Variants in CNIH3 observed in about 807,000 individuals in gnomAD.
The protein encoded by CNIH3 is cornichon family AMPA receptor auxiliary protein 3, also known as protein cornichon homolog 3.
Under a neutral mutation model 24.1 loss-of-function variants are expected in CNIH3, and 14 were observed. That is an observed-to-expected ratio of 0.58 (90% CI 0.38 to 0.91). The LOEUF is 0.91. Among genes scored for constraint, CNIH3 ranks in the 40% least tolerant of loss-of-function variants. CNIH3 has a pLI of 0.00. For synonymous variants in CNIH3, 68 were observed against 73.8 expected (o/e 0.92, Z 0.40); for missense variants, 178 against 196.8 (o/e 0.90, Z 0.57).
intron 4 of CNIH3, among the ~76,000 whole-genome samples, chr1:224,571,014 G>T (rs1455337753): frequency 6.6e-6 from 1 of 151,840 alleles, no homozygotes; most frequent in East Asian, 1.9e-4. Flanking sequence ...ATATGGGTCT[G>T]TTTCTGGAAC....
At position 224,684,495 on chromosome 1, in the gene CNIH3, G is replaced by A. The variant is rs1686558062; in HGVS notation, c.151-301G>A. Reference sequence around the variant, plus strand: ...TTTGACCACCTTATACGTACATGGAGGCTGAGAGAGACTTTGTAGATAAAG... The same window carrying A: ...TTTGACCACCTTATACGTACATGGAAGCTGAGAGAGACTTTGTAGATAAAG... On this transcript the variant is annotated intron_variant, in intron 2 of 5. Coordinates refer to ENST00000272133, the MANE Select transcript of CNIH3 (RefSeq NM_152495.2). The surrounding 1 kb of genome is among the most constrained non-coding windows in gnomAD (Gnocchi z 4.2). 6.6e-6 allele frequency among the ~76,000 whole-genome samples: 1 copy of A among 152,206 alleles called. No individual in the cohort carries two copies. The highest frequency in any genetic ancestry group is 1.5e-5 in the Non-Finnish European group (1 of 68,036).
intron 1 of CNIH3, among the ~76,000 whole-genome samples, chr1:224,518,860 A>T (rs1034075559): frequency 6.6e-6 from 1 of 152,234 alleles, no homozygotes; most frequent in Non-Finnish European, 1.5e-5. Context: ...CTTTTGCTTC[A>T]TATGGAGGAA....
At chr1:224,534,412 T>C (rs1226974996) in intron 2 of CNIH3, among the ~76,000 whole-genome samples, 1 of 151,976 alleles carries the variant, frequency 6.6e-6, no homozygotes, top group Non-Finnish European at 1.5e-5. Context: ...CTTTATAGGG[T>C]GAGGAAATGG....
intron 2 of CNIH3, among the ~76,000 whole-genome samples, chr1:224,533,945 G>A (rs919768570): frequency 1.3e-5 from 2 of 152,176 alleles, no homozygotes; most frequent in South Asian, 2.1e-4. Context: ...CAGGTGGATC[G>A]CTTGAGCCCA....
chr1:224,480,201 G>C (rs1159409476), intron 1 of CNIH3, among the ~76,000 whole-genome samples: 1 of 152,204 alleles, frequency 6.6e-6, no homozygotes, highest in Non-Finnish European at 1.5e-5. Flanking sequence ...AACAGCCTGA[G>C]CTGTACCTTA....
chr1:224,661,559 GA>G, intron 1 of CNIH3: 1 of 372,836 alleles, frequency 2.7e-6, no homozygotes. Flanking sequence ...TAGGTAAATG[GA>G]AATGGGTCTC....
At chr1:224,567,527 A>G (rs1680629767) in intron 4 of CNIH3, among the ~76,000 whole-genome samples, 1 of 152,216 alleles carries the variant, frequency 6.6e-6, no homozygotes, top group Non-Finnish European at 1.5e-5. Flanking sequence ...CTTTACTCCT[A>G]GTCTGCCTTT....
downstream of CNIH3, among the ~76,000 whole-genome samples, chr1:224,592,859 C>A (rs561821446): frequency 2.6e-4 from 40 of 152,286 alleles, no homozygotes; most frequent in Admixed American, 3.9e-4. Flanking sequence ...ATAGATGATA[C>A]ATCTCCAGGT....
rs1686580870 is a variant in CNIH3, at chr1:224,684,904, T to C, written c.198+61T>C. On this transcript the variant is annotated intron_variant, in intron 3 of 5. Coordinates refer to ENST00000272133, the MANE Select transcript of CNIH3 (RefSeq NM_152495.2). This position sits in a 1 kb window ranked among gnomAD's most constrained non-coding sequence, Gnocchi z 4.2. ...CGCATGGTGGTGGGTGGGCACACAG[T>C]GAAAGAGGCTAGTGAGGCTCTGCCT... 6 of 1,497,062 alleles carry C rather than the reference T, an allele frequency of 4.0e-6. No homozygotes were observed. Among genetic ancestry groups the C allele is most frequent in the Non-Finnish European group, 1.9e-6 (2 of 1,073,726 alleles). The allele number at this position is 1,497,062 out of a possible 1,614,324, so 92.7% of individuals were successfully genotyped here. A position where few individuals can be genotyped will look rare whatever the true frequency, so the allele number is the denominator to read the frequency against.
chr1:224,596,496 T>A (rs1249654954), intron 3 of CNIH3, among the ~76,000 whole-genome samples: 1 of 152,266 alleles, frequency 6.6e-6, no homozygotes, highest in Non-Finnish European at 1.5e-5. Flanking sequence ...TTTTCATGCC[T>A]GCTTGCACAA....
At chr1:224,463,770 CTCATTTTTTTTT>C (rs1676031543) in intron 1 of CNIH3, among the ~76,000 whole-genome samples, 1 of 87,070 alleles carries the variant, frequency 1.1e-5, no homozygotes, top group Non-Finnish European at 2.1e-5. Context: ...ATGAATTGTC[CTCATTTTTTTTT>C]TTTTTTTTTT....
chr1:224,728,058 G>A lies in CNIH3; in HGVS notation c.199-2404G>A, dbSNP rs74558417. The stretch of plus-strand genomic sequence containing the variant: ...AGAAGAAGCAGTGGTGATTAAGAGT[G>A]GGACCTGAAATCCAAACTGTAATCA... On this transcript the variant is annotated intron_variant, in intron 3 of 5. Transcript: ENST00000272133. 2.4e-4 allele frequency among the ~76,000 whole-genome samples: 36 copies of A among 152,248 alleles called. No homozygotes were observed. In the East Asian group the frequency reaches 6.8e-3, roughly 29 times the overall value.
At chr1:224,467,973 C>T (rs1288681790) in intron 1 of CNIH3, among the ~76,000 whole-genome samples, 2 of 150,464 alleles carry the variant, frequency 1.3e-5, no homozygotes, top group East Asian at 3.9e-4. Flanking sequence ...CATGTTTGTA[C>T]CTTTTTTCTT....
At chr1:224,505,290 C>A (rs1264607064) in intron 1 of CNIH3, among the ~76,000 whole-genome samples, 1 of 136,332 alleles carries the variant, frequency 7.3e-6, no homozygotes, top group Admixed American at 7.8e-5. Context: ...CAAAGCAAGA[C>A]CTTGTCTCAA....
chr1:224,553,351 G>A (rs985350416), intron 3 of CNIH3, among the ~76,000 whole-genome samples: 1 of 151,876 alleles, frequency 6.6e-6, no homozygotes, highest in Non-Finnish European at 1.5e-5. Flanking sequence ...ATAACATCCA[G>A]GTTGTTTTCT....
intron 3 of CNIH3, among the ~76,000 whole-genome samples, chr1:224,691,308 G>GA (rs11394447): frequency 0.18 from 26,737 of 152,192 alleles, 2,502 homozygotes; most frequent in African/African-American, 0.23. Flanking sequence ...TGGTCTCCGT[G>GA]ACCTTTGCAC....
chr1:224,559,833 C>G (rs2124981277), intron 3 of CNIH3, among the ~76,000 whole-genome samples: 1 of 152,202 alleles, frequency 6.6e-6, no homozygotes, highest in East Asian at 1.9e-4. Flanking sequence ...CTGCATACCC[C>G]TCCCCAGTTA....
At chr1:224,625,292 G>A (rs973826512) in intron 1 of CNIH3, among the ~76,000 whole-genome samples, 3 of 152,146 alleles carry the variant, frequency 2.0e-5, no homozygotes, top group African/African-American at 7.2e-5. Context: ...GCTCACGCCT[G>A]TAATCCCAGC....
intron 3 of CNIH3, among the ~76,000 whole-genome samples, chr1:224,727,963 C>T (rs992999920): frequency 7.2e-5 from 11 of 152,126 alleles, no homozygotes; most frequent in African/African-American, 2.7e-4. Flanking sequence ...TTTTCCTCTA[C>T]GTGGAGACAG....
Sources: allele counts gnomAD v4.1 joint callset (sites outside exome capture counted in the v4.1 genomes callset), GRCh38; gene constraint gnomAD v4.1.1; non-coding constraint Gnocchi (gnomAD v3.1); transcripts MANE v1.5; gene names NCBI Gene and HGNC (gene_info 2026-07-23, HGNC 2026-07-21).